FANCD2: variants seen among roughly 807,000 people sequenced by gnomAD.
FANCD2 encodes Fanconi anemia group D2 protein.
Under a neutral mutation model 192.3 loss-of-function variants are expected in FANCD2, and 131 were observed. That is an observed-to-expected ratio of 0.68 (90% CI 0.59 to 0.79). The LOEUF is 0.79. Ranked by LOEUF, FANCD2 falls within the 30% of genes least tolerant of loss-of-function variation. The pLI is 0.00. For missense variants in FANCD2, 1,508 were observed against 1,701.6 expected (o/e 0.89, Z 2.00); for synonymous variants, 524 against 612.5 (o/e 0.86, Z 2.13).
In FANCD2 at chr3:10,085,788, C is replaced by T. The variant is rs757127466; in HGVS notation, c.3225-24C>T. On this transcript the variant is annotated intron_variant, in intron 32 of 43. Coordinates refer to ENST00000675286, the MANE Select transcript of FANCD2 (RefSeq NM_001018115.3). The stretch of plus-strand genomic sequence containing the variant: ...AGTAGTTTTCCAGAAACTAAGCTAA[C>T]CCCTCTTACCTTGACTTCCTTAGGA... 5.4e-6 allele frequency: 8 copies of T among 1,477,470 alleles called. No individual in the cohort carries two copies. In the African/African-American group the frequency reaches 9.7e-5, roughly 18 times the overall value. The allele number at this position is 1,477,470 out of a possible 1,614,324, so 91.5% of individuals were successfully genotyped here. A position where few individuals can be genotyped will look rare whatever the true frequency, so the allele number is the denominator to read the frequency against.
intron 7 of FANCD2, among the ~76,000 whole-genome samples, chr3:10,037,857 T>C (rs2086769363): frequency 6.6e-6 from 1 of 152,176 alleles, no homozygotes; most frequent in African/African-American, 2.4e-5. Flanking sequence ...AGTTCAGTAT[T>C]TTGTTTAAAA....
intron 20 of FANCD2, among the ~76,000 whole-genome samples, chr3:10,063,415 C>T (rs963372527): frequency 9.2e-5 from 14 of 152,020 alleles, no homozygotes; most frequent in South Asian, 2.1e-4. Flanking sequence ...CCAGCCTGGA[C>T]GACAGAGCAA....
rs187584264 is a variant in FANCD2, at chr3:10,091,327, C to T, written c.3778-854C>T. ...AACTCATAGGCTCAAGCAATCCTCC[C>T]GCCTCAGCCTCCCAAAGTGCTGGGA... On this transcript the variant is annotated intron_variant, in intron 37 of 43. Transcript: ENST00000675286. Among the ~76,000 whole-genome samples the T allele has an allele frequency of 2.6e-5, 4 of 151,518 alleles. No homozygotes were observed. The East Asian group carries it at 7.8e-4, about 30-fold the overall frequency.
intron 36 of FANCD2, among the ~76,000 whole-genome samples, chr3:10,089,982 C>G (rs1042888638): frequency 6.6e-6 from 1 of 152,200 alleles, no homozygotes; most frequent in Non-Finnish European, 1.5e-5. Flanking sequence ...TAGAGAACTT[C>G]TCAAGCTTAC....
At chr3:10,068,801 T>C (rs1291675224) in intron 26 of FANCD2, among the ~76,000 whole-genome samples, 3 of 152,102 alleles carry the variant, frequency 2.0e-5, no homozygotes, top group African/African-American at 7.2e-5. Context: ...AACAGATGCA[T>C]ATACCAATGG....
intron 18 of FANCD2, among the ~76,000 whole-genome samples, chr3:10,054,387 A>G (rs1250878438): frequency 8.7e-6 from 1 of 114,786 alleles, no homozygotes; most frequent in Non-Finnish European, 1.7e-5. Context: ...ACATATATAT[A>G]TGTATATACG....
chr3:10,041,097 G>A (rs2086853624), intron 9 of FANCD2: 1 of 170,242 alleles, frequency 5.9e-6, no homozygotes, highest in South Asian at 1.4e-4. Flanking sequence ...AGGAGGCTGA[G>A]ATGGGAGGAT....
In FANCD2 at chr3:10,062,142, T is replaced by C; in HGVS notation, c.1767-9T>C. The C allele has an allele frequency of 6.2e-7, 1 of 1,607,084 alleles. No homozygotes were observed. Among genetic ancestry groups the C allele is most frequent in the Non-Finnish European group, 8.5e-7 (1 of 1,175,336 alleles). ...AATAATAATTTAAAAAAAAATTCTTTGTTTTTAGAAGTGAATCACCTAGTT... is the reference window on the plus strand; with the variant it reads ...AATAATAATTTAAAAAAAAATTCTTCGTTTTTAGAAGTGAATCACCTAGTT... On this transcript the variant is annotated splice_polypyrimidine_tract_variant and intron_variant, in intron 19 of 43. Transcript: ENST00000675286.
At chr3:10,087,011 TA>T in intron 33 of FANCD2, 122 bp from the exon 34 acceptor site, 1 of 1,055,752 alleles carries the variant, frequency 9.5e-7, no homozygotes, top group Non-Finnish European at 1.5e-6. Context: ...CACCTGAAAA[TA>T]AGGAGGATTC....
At chr3:10,082,069 A>G (rs542028497) in intron 32 of FANCD2, among the ~76,000 whole-genome samples, 1 of 152,186 alleles carries the variant, frequency 6.6e-6, no homozygotes, top group Non-Finnish European at 1.5e-5. Context: ...CTGCCTACGC[A>G]ACACCTCCTT....
chr3:10,082,208 C>A (rs769503036), intron 32 of FANCD2, among the ~76,000 whole-genome samples: 5 of 152,174 alleles, frequency 3.3e-5, no homozygotes, highest in Non-Finnish European at 5.9e-5. Context: ...AGGAGTTATT[C>A]TTTGTCCCTC....
At chr3:10,050,648 T>G (rs1275123759) in intron 17 of FANCD2, among the ~76,000 whole-genome samples, 2 of 146,994 alleles carry the variant, frequency 1.4e-5, no homozygotes, top group Non-Finnish European at 3.0e-5. Flanking sequence ...AAAAAAGGCT[T>G]AGAAGAGCAC....
intron 35 of FANCD2, 23 bp from the exon 36 acceptor site, chr3:10,088,805 C>CA (rs757027350): frequency 1.1e-5 from 17 of 1,613,230 alleles, no homozygotes; most frequent in Non-Finnish European, 1.4e-5. Flanking sequence ...ATTAGTGGGT[C>CA]AAATATTTGA....
chr3:10,045,776 A>G (rs2086988774), intron 14 of FANCD2: 1 of 151,128 alleles, frequency 6.6e-6, no homozygotes, highest in African/African-American at 2.4e-5. Flanking sequence ...TAATTTGTGT[A>G]TTTTTAGTAG....
At position 10,065,483 on chromosome 3, in the gene FANCD2, A is replaced by C. The variant is rs1417292935; in HGVS notation, c.2258A>C (p.Asp753Ala). The change falls in exon 24 of 44, where the codon GAT becomes GCT. Residue 753 changes from aspartate (D) to alanine (A), a missense_variant. Asp to Ala is a moderately radical substitution (Grantham distance 126). This residue lies in a region of FANCD2 where 796 missense variants were observed against 879.4 expected (regional missense o/e 0.91). Coordinates refer to ENST00000675286, the MANE Select transcript of FANCD2 (RefSeq NM_001018115.3). ...RQHNGNLEEI[D>A]GLLDCPIFLT... The stretch of plus-strand genomic sequence containing the variant: ...CATAACGGAAACTTGGAGGAGATTG[A>C]TGGTCTACTAGGTATGGGATGAAGT... The C allele has an allele frequency of 1.2e-6, 2 of 1,605,300 alleles. No homozygotes were observed. Among genetic ancestry groups the C allele is most frequent in the South Asian group, 2.2e-5 (2 of 90,888 alleles).
At chr3:10,086,450 G>A (rs935203366) in intron 33 of FANCD2, among the ~76,000 whole-genome samples, 3 of 152,090 alleles carry the variant, frequency 2.0e-5, no homozygotes, top group African/African-American at 7.2e-5. Context: ...TGGGTCAGCA[G>A]TCAGTGCTTA....
At chr3:10,046,505 A>G in intron 14 of FANCD2, 75 bp from the exon 15 acceptor site, 1 of 1,590,308 alleles carries the variant, frequency 6.3e-7, no homozygotes, top group Non-Finnish European at 8.6e-7. Flanking sequence ...ATTAGAGGAA[A>G]AGCTGCTGTT....
At position 10,043,487 on chromosome 3, in the gene FANCD2, C is replaced by T. The variant is rs1283008793; in HGVS notation, c.993C>T (p.Ser331=). ...TTTTCCTCTCTGCTACTTGTAGTTCCTCAGGAAATCAAGAAAGCAGCGGTC... is the reference window on the plus strand; with the variant it reads ...TTTTCCTCTCTGCTACTTGTAGTTCTTCAGGAAATCAAGAAAGCAGCGGTC... ...VKLKSKGRAS[S]SGNQESSGQS... is the part of the protein sequence containing the mutation. Residue 331 remains serine (S), a synonymous_variant, in exon 13 of 44, where the codon TCC becomes TCT. Transcript: ENST00000675286. The T allele has an allele frequency of 6.2e-7, 1 of 1,613,112 alleles. No individual in the cohort carries two copies. Among genetic ancestry groups the T allele is most frequent in the Non-Finnish European group, 8.5e-7 (1 of 1,179,236 alleles).
chr3:10,096,249 A>G (rs1415591130), intron 41 of FANCD2, 77 bp from the exon 42 acceptor site: 1 of 1,478,992 alleles, frequency 6.8e-7, no homozygotes, highest in African/African-American at 1.4e-5. Flanking sequence ...CTTATTCAAC[A>G]TTCAAAGGTT....
Sources: gnomAD v4.1 joint callset for allele counts (sites outside exome capture counted in the v4.1 genomes callset) on GRCh38, gnomAD v4.1.1 for gene constraint, gnomAD v4.1.1 regional missense constraint, MANE v1.5 for transcripts, NCBI Gene and HGNC (gene_info 2026-07-23, HGNC 2026-07-21) for gene names.